Variants in ADAMTSL1 observed in about 807,000 individuals in gnomAD.
ADAMTSL1 encodes ADAMTS-like protein 1.
ADAMTSL1 carries 126 observed loss-of-function variants against 201.8 expected under a neutral mutation model. That is an observed-to-expected ratio of 0.62 (90% CI 0.54 to 0.72). The LOEUF (loss-of-function observed/expected upper bound fraction) is 0.72. Ranked by LOEUF, ADAMTSL1 falls within the 30% of genes least tolerant of loss-of-function variation. The pLI is 0.00. For synonymous variants in ADAMTSL1, 1,121 were observed against 903.4 expected (o/e 1.24, Z -4.32); for missense variants, 2,679 against 2,277.8 (o/e 1.18, Z -3.59).
chr9:18,452,076 G>A lies in ADAMTSL1; in HGVS notation c.208-52753G>A, dbSNP rs758038669. On this transcript the variant is annotated intron_variant, in intron 2 of 29. Coordinates refer to the ADAMTSL1 transcript ENST00000680146. ...TTACAGGCAAGTGCCACCACGCCTG[G>A]CTAATTTTGTATTTTTAGTAGAGAT... is the stretch of plus-strand genomic sequence containing the variant. 1.1e-3 allele frequency among the ~76,000 whole-genome samples: 162 copies of A among 152,200 alleles called. 1 individual carries two copies. The highest frequency in any genetic ancestry group is 1.6e-3 in the Non-Finnish European group (108 of 67,998).
At chr9:18,079,010 A>G (rs1032044542) in intron 1 of ADAMTSL1, among the ~76,000 whole-genome samples, 30 of 152,262 alleles carry the variant, frequency 2.0e-4, no homozygotes, top group Admixed American at 5.9e-4. Context: ...GGCAGGGGTC[A>G]GAACCTGTAT....
intron 2 of ADAMTSL1, among the ~76,000 whole-genome samples, chr9:18,311,373 A>G (rs1235208359): frequency 6.6e-6 from 1 of 152,112 alleles, no homozygotes; most frequent in Non-Finnish European, 1.5e-5. Context: ...ATAATCCTTC[A>G]GAATGATATC....
chr9:18,406,872 T>C (rs908296601), intron 2 of ADAMTSL1, among the ~76,000 whole-genome samples: 1 of 152,162 alleles, frequency 6.6e-6, no homozygotes, highest in Admixed American at 6.5e-5. Context: ...GTTTTGTTTT[T>C]CCTCATTTGT....
At chr9:18,103,248 C>A (rs1369471002) in intron 1 of ADAMTSL1, among the ~76,000 whole-genome samples, 2 of 151,942 alleles carry the variant, frequency 1.3e-5, no homozygotes, top group East Asian at 3.9e-4. Context: ...TTTCATTGTA[C>A]ATATTTTACA....
chr9:18,844,363 C>T (rs139967928), intron 23 of ADAMTSL1, among the ~76,000 whole-genome samples: 14,954 of 152,116 alleles, frequency 0.098, 1,008 homozygotes, highest in East Asian at 0.29. Flanking sequence ...TTTCATGAAC[C>T]GCGAATGCTG....
chr9:18,427,726 A>G (rs1009446820), intron 2 of ADAMTSL1, among the ~76,000 whole-genome samples: 9 of 152,240 alleles, frequency 5.9e-5, no homozygotes, highest in African/African-American at 1.9e-4. Context: ...ATAAGCACAA[A>G]GCCTTGCAGG....
At chr9:18,176,784 G>C (rs142265635) in intron 2 of ADAMTSL1, among the ~76,000 whole-genome samples, 13 of 152,254 alleles carry the variant, frequency 8.5e-5, no homozygotes, top group African/African-American at 2.9e-4. Flanking sequence ...AATTCTAACT[G>C]TTGGGATATT....
At chr9:17,999,120 G>T (rs925909495) in intron 1 of ADAMTSL1, among the ~76,000 whole-genome samples, 3 of 151,916 alleles carry the variant, frequency 2.0e-5, no homozygotes, top group African/African-American at 7.3e-5. Flanking sequence ...CCCATAAAGA[G>T]AAAAAATTGA....
chr9:18,466,420 G>A (rs10756965), intron 2 of ADAMTSL1, among the ~76,000 whole-genome samples: 85,958 of 151,960 alleles, frequency 0.57, 24,469 homozygotes, highest in Non-Finnish European at 0.6. Context: ...CTTTTCAAAA[G>A]AAAGGCTCAC....
At chr9:18,611,214 T>C (rs1184183149) in intron 4 of ADAMTSL1, among the ~76,000 whole-genome samples, 1 of 152,198 alleles carries the variant, frequency 6.6e-6, no homozygotes, top group Non-Finnish European at 1.5e-5. Context: ...GTTAATGCCA[T>C]GTGAAGTGAG....
chr9:18,190,190 T>C lies in ADAMTSL1; in HGVS notation c.207+26209T>C, dbSNP rs973299094. On this transcript the variant is annotated intron_variant, in intron 2 of 29. Transcript: ENST00000680146. ...CAACTATGTCATAGATTAATCAAAA[T>C]GGTTTAGTGTCAGCTTTTGCTTTCA... Among the ~76,000 whole-genome samples, 13 of 152,298 alleles carry C rather than the reference T, an allele frequency of 8.5e-5. No individual in the cohort carries two copies. The South Asian group carries it at 1.0e-3, about 12-fold the overall frequency.
chr9:18,009,291 T>C (rs1306992345), intron 1 of ADAMTSL1, among the ~76,000 whole-genome samples: 2 of 152,054 alleles, frequency 1.3e-5, no homozygotes, highest in Non-Finnish European at 1.5e-5. Context: ...AGGAGGCTTA[T>C]CTAACTGTAC....
rs571520775 is a variant in ADAMTSL1, at chr9:18,825,735, C to A, written c.3935-549C>A. ...CAGTCACAACCCCTCCCCATTCATT[C>A]CACTGACTACTAACAGCATAGATTA... is the stretch of plus-strand genomic sequence containing the variant. On this transcript the variant is annotated intron_variant, in intron 21 of 28. Coordinates refer to ENST00000380548, the MANE Select transcript of ADAMTSL1 (RefSeq NM_001040272.6). Among the ~76,000 whole-genome samples the A allele has an allele frequency of 4.6e-5, 7 of 151,740 alleles. No homozygotes were observed. The East Asian group carries it at 1.2e-3, about 25-fold the overall frequency.
chr9:18,385,625 G>A (rs1440421499), intron 2 of ADAMTSL1, among the ~76,000 whole-genome samples: 2 of 152,166 alleles, frequency 1.3e-5, no homozygotes, highest in African/African-American at 4.8e-5. Context: ...AAAGCTTTTA[G>A]TAATGTTAGC....
At chr9:18,818,732 G>A (rs777185949) in intron 21 of ADAMTSL1, among the ~76,000 whole-genome samples, 5 of 152,148 alleles carry the variant, frequency 3.3e-5, no homozygotes, top group African/African-American at 7.2e-5. Context: ...CAAGGCTGCA[G>A]TGAGCCATGG....
At chr9:18,517,273 G>A (rs1308836943) in intron 2 of ADAMTSL1, among the ~76,000 whole-genome samples, 1 of 151,928 alleles carries the variant, frequency 6.6e-6, no homozygotes, top group Non-Finnish European at 1.5e-5. Context: ...CCATCTTTCA[G>A]AGGAAGCAAA....
chr9:18,496,871 A>C (rs1406516134), intron 1 of ADAMTSL1, among the ~76,000 whole-genome samples: 2 of 152,208 alleles, frequency 1.3e-5, no homozygotes, highest in African/African-American at 4.8e-5. Flanking sequence ...GTTTGGACGG[A>C]CCTCTGGTTA....
intron 2 of ADAMTSL1, among the ~76,000 whole-genome samples, chr9:18,230,744 T>C (rs140076532): frequency 1.2e-4 from 19 of 152,292 alleles, no homozygotes; most frequent in Non-Finnish European, 2.6e-4. Flanking sequence ...ATTATTATAA[T>C]TAATTAATTA....
chr9:18,807,850 G>A (rs990193577), intron 20 of ADAMTSL1, among the ~76,000 whole-genome samples: 2 of 151,924 alleles, frequency 1.3e-5, no homozygotes, highest in Non-Finnish European at 2.9e-5. Context: ...CTCCTTCTCT[G>A]CATCTATGTT....
Sources: gnomAD v4.1 joint callset for allele counts (sites outside exome capture counted in the v4.1 genomes callset) on GRCh38, gnomAD v4.1.1 for gene constraint, MANE v1.5 for transcripts, NCBI Gene and HGNC (gene_info 2026-07-23, HGNC 2026-07-21) for gene names.